Variants in COL4A6 observed in about 807,000 individuals in gnomAD.
COL4A6 encodes the protein collagen alpha-6(IV) chain.
In COL4A6, 59 loss-of-function variants were observed where a neutral mutation model predicts 126.7. The observed-to-expected ratio is 0.47, with a 90% CI of 0.38 to 0.58. The LOEUF (loss-of-function observed/expected upper bound fraction) is 0.58. COL4A6 is among the 20% of genes least tolerant of loss of function. The pLI, the probability that COL4A6 is intolerant of heterozygous loss-of-function variation, is 0.00. For synonymous variants in COL4A6, 547 were observed against 496.6 expected (o/e 1.10, Z -1.35); for missense variants, 1,285 against 1,337.3 (o/e 0.96, Z 0.61).
intron 2 of COL4A6, among the ~76,000 whole-genome samples, chrX:108,402,206 G>C (rs1254810075): frequency 9.0e-6 from 1 of 111,081 alleles, no homozygotes; most frequent in Non-Finnish European, 1.9e-5. Context: ...TTTCATAAAA[G>C]ATTAGTATAA....
chrX:108,209,172 G>GT (rs1262531754), intron 8 of COL4A6, among the ~76,000 whole-genome samples: 1 of 111,756 alleles, frequency 8.9e-6, no homozygotes, highest in Non-Finnish European at 1.9e-5. Context: ...ATGAAACTCC[G>GT]TAACTCTCTA....
intron 5 of COL4A6, among the ~76,000 whole-genome samples, chrX:108,215,710 T>C (rs929350129): frequency 1.8e-5 from 2 of 111,301 alleles, no homozygotes; most frequent in Non-Finnish European, 3.8e-5. Flanking sequence ...ATAGTCTTAG[T>C]TCCTATTCGG....
At chrX:108,430,845 A>T (rs1298544739) in intron 2 of COL4A6, among the ~76,000 whole-genome samples, 1 of 111,912 alleles carries the variant, frequency 8.9e-6, no homozygotes, top group Non-Finnish European at 1.9e-5. Context: ...GGCAATAAAA[A>T]TAATAATAGC....
intron 5 of COL4A6, among the ~76,000 whole-genome samples, chrX:108,215,867 T>C (rs2035845432): frequency 2.7e-5 from 3 of 111,415 alleles, no homozygotes; most frequent in South Asian, 7.7e-4. Flanking sequence ...CTGTTAAATA[T>C]AGCCTTCACT....
intron 17 of COL4A6, 97 bp downstream of exon 17, chrX:108,193,531 A>G (rs2035119385): frequency 1.4e-6 from 1 of 735,112 alleles, no homozygotes; most frequent in East Asian, 3.3e-5. Flanking sequence ...TTTAGCAACA[A>G]TCGAGTAACT....
chrX:108,299,184 G>A (rs1381362000), intron 3 of COL4A6, among the ~76,000 whole-genome samples: 3 of 111,890 alleles, frequency 2.7e-5, no homozygotes, highest in Admixed American at 1.9e-4. Context: ...TAGAGTGTCT[G>A]AATGGGTTTT....
intron 2 of COL4A6, among the ~76,000 whole-genome samples, chrX:108,385,014 A>T (rs1246256013): frequency 1.8e-5 from 2 of 110,510 alleles, no homozygotes; most frequent in Non-Finnish European, 3.8e-5. Flanking sequence ...TCTGTGGGGG[A>T]TGGGTGGTAT....
chrX:108,158,355 G>T, intron 44 of COL4A6, among the ~76,000 whole-genome samples: 1 of 112,619 alleles, frequency 8.9e-6, no homozygotes, highest in Non-Finnish European at 1.9e-5. Flanking sequence ...GCCTTGCTAG[G>T]CAGTCCAACT....
intron 3 of COL4A6, among the ~76,000 whole-genome samples, chrX:108,257,714 C>G (rs141371153): frequency 0.03 from 3,278 of 110,799 alleles, 116 homozygotes; most frequent in African/African-American, 0.1. Flanking sequence ...CACCTTCCCC[C>G]GGAAGATCTC....
At chrX:108,438,162 G>A in intron 1 of COL4A6, 24 bp downstream of exon 1, 1 of 1,208,748 alleles carries the variant, frequency 8.3e-7, no homozygotes. Context: ...AAGAGGAGGG[G>A]AGCTCGGGGC....
chrX:108,276,932 C>T (rs2147784361), intron 3 of COL4A6, among the ~76,000 whole-genome samples: 1 of 112,529 alleles, frequency 8.9e-6, no homozygotes, highest in East Asian at 2.8e-4. Flanking sequence ...AGATTAATAA[C>T]ATGGAAATTT....
chrX:108,239,518 C>A (rs1380533897), intron 3 of COL4A6, among the ~76,000 whole-genome samples: 1 of 111,807 alleles, frequency 8.9e-6, no homozygotes, highest in East Asian at 2.8e-4. Flanking sequence ...AAGCCACCAG[C>A]CTGGGAGCTC....
At chrX:108,230,857 C>G (rs2036286436) in intron 3 of COL4A6, among the ~76,000 whole-genome samples, 2 of 111,690 alleles carry the variant, frequency 1.8e-5, no homozygotes, top group African/African-American at 6.5e-5. Flanking sequence ...GAGCCATACA[C>G]TTCACTCTCC....
At chrX:108,228,448 C>A (rs1036337689) in intron 3 of COL4A6, among the ~76,000 whole-genome samples, 5 of 112,401 alleles carry the variant, frequency 4.4e-5, no homozygotes, top group African/African-American at 1.6e-4. Context: ...ACAAAAGAAA[C>A]ACACTGCATG....
chrX:108,363,896 C>T (rs756406777), intron 2 of COL4A6, among the ~76,000 whole-genome samples: 2 of 110,340 alleles, frequency 1.8e-5, no homozygotes, highest in African/African-American at 3.3e-5. Context: ...CTTGAGAGGG[C>T]GTCTTGCTCT....
intron 18 of COL4A6, 71 bp from the exon 19 acceptor site, chrX:108,191,604 A>G: frequency 1.8e-6 from 2 of 1,099,925 alleles, no homozygotes; most frequent in Non-Finnish European, 1.2e-6. Context: ...TATCTGTGGC[A>G]TATGTTGGAA....
rs764321087 is a variant in COL4A6, at chrX:108,270,074, A to G, written c.144+40674T>C. On this transcript the variant is annotated intron_variant, in intron 3 of 44. Transcript: ENST00000334504. ...CAAAAAGCAGAGAAGTCTTGAGAGT[A>G]GGGTTTGCATTCCAGCACTGTCCAA... is the stretch of plus-strand genomic sequence containing the variant. Among the ~76,000 whole-genome samples the G allele has an allele frequency of 1.1e-4, 12 of 112,248 alleles. No homozygotes were observed. In the East Asian group the frequency reaches 2.8e-3, roughly 26 times the overall value.
At chrX:108,413,569 CTG>C (rs1323384646) in intron 2 of COL4A6, among the ~76,000 whole-genome samples, 2 of 111,770 alleles carry the variant, frequency 1.8e-5, no homozygotes, top group African/African-American at 6.5e-5. Flanking sequence ...CGCCATTCTC[CTG>C]CCTCAGCCTC....
chrX:108,260,244 G>A (rs2037126243), intron 3 of COL4A6, among the ~76,000 whole-genome samples: 1 of 111,045 alleles, frequency 9.0e-6, no homozygotes, highest in Non-Finnish European at 1.9e-5. Flanking sequence ...GTTGCATAAT[G>A]AGGACCTGTC....
Sources: allele counts gnomAD v4.1 joint callset (sites outside exome capture counted in the v4.1 genomes callset), GRCh38; gene constraint gnomAD v4.1.1; transcripts MANE v1.5; gene names NCBI Gene and HGNC (gene_info 2026-07-23, HGNC 2026-07-21).